ROBO1: variants seen among roughly 807,000 people sequenced by gnomAD.
ROBO1 encodes the protein roundabout guidance receptor 1, also known as roundabout homolog 1.
Under a neutral mutation model 195.9 loss-of-function variants are expected in ROBO1, and 149 were observed. The ratio of observed to expected loss-of-function variants is 0.76; its 90% confidence interval spans 0.67 to 0.87. The LOEUF (loss-of-function observed/expected upper bound fraction) is 0.87, where lower values mean the gene tolerates loss of function less well. Among genes scored for constraint, ROBO1 ranks in the 40% least tolerant of loss-of-function variants. The pLI is 0.00. For synonymous variants in ROBO1, 816 were observed against 733.2 expected, an observed-to-expected ratio of 1.11 and a Z score of -1.82; for missense variants, 1,933 against 2,068.3, an observed-to-expected ratio of 0.93 and a Z score of 1.27.
chr3:78,986,336 T>A (rs955112492), intron 3 of ROBO1, among the ~76,000 whole-genome samples: 1 of 152,042 alleles, frequency 6.6e-6, no homozygotes, highest in Non-Finnish European at 1.5e-5. Flanking sequence ...ACTATCAGCA[T>A]AGGTTATAAT....
chr3:79,685,242 G>A (rs1226059269), intron 1 of ROBO1, among the ~76,000 whole-genome samples: 1 of 152,160 alleles, frequency 6.6e-6, no homozygotes, highest in Non-Finnish European at 1.5e-5. Context: ...GGGCCTCTGT[G>A]TGCATGTTGG....
rs553504471 is a variant in ROBO1, at chr3:79,082,691, C to T, written c.172+42765G>A. On this transcript the variant is annotated intron_variant, in intron 3 of 30. Transcript: ENST00000464233. ...CAGTTAGTTGTCTCTATGCCTGCCCCACCCAGTGTCTTACTATGTTACCCT... is the reference window on the plus strand; with the variant it reads ...CAGTTAGTTGTCTCTATGCCTGCCCTACCCAGTGTCTTACTATGTTACCCT... 6.6e-5 allele frequency among the ~76,000 whole-genome samples: 10 copies of T among 152,228 alleles called. No homozygotes were observed. The South Asian group carries it at 2.1e-3, about 32-fold the overall frequency.
At chr3:79,331,959 G>A (rs1280939327) in intron 2 of ROBO1, among the ~76,000 whole-genome samples, 4 of 151,972 alleles carry the variant, frequency 2.6e-5, no homozygotes, top group Non-Finnish European at 4.4e-5. Context: ...TGGCTAACAC[G>A]GTGAAACCCC....
At chr3:79,543,906 TC>T (rs1389320302) in intron 2 of ROBO1, among the ~76,000 whole-genome samples, 1 of 152,132 alleles carries the variant, frequency 6.6e-6, no homozygotes, top group Non-Finnish European at 1.5e-5. Context: ...TCTGTACATT[TC>T]TTGTGTTTCC....
In ROBO1 at chr3:79,020,365, A is replaced by G. The variant is rs556152718; in HGVS notation, c.173-81438T>C. Among the ~76,000 whole-genome samples the G allele has an allele frequency of 8.0e-4, 122 of 152,342 alleles. 1 individual carries two copies. The highest frequency in any genetic ancestry group is 2.8e-3 in the African/African-American group (116 of 41,580). ...TGACACGTCTGAAAGGCATTCATTC[A>G]TTGAGTCAGTCATTTTTCTTTCTTT... On this transcript the variant is annotated intron_variant, in intron 3 of 30. Transcript: ENST00000464233.
intron 1 of ROBO1, among the ~76,000 whole-genome samples, chr3:79,754,158 T>C (rs1480088339): frequency 6.6e-6 from 1 of 152,120 alleles, no homozygotes; most frequent in Non-Finnish European, 1.5e-5. Flanking sequence ...TGGAAATACA[T>C]GAAGGAGGAA....
At chr3:78,965,816 T>G (rs1330191932) in intron 3 of ROBO1, among the ~76,000 whole-genome samples, 2 of 152,208 alleles carry the variant, frequency 1.3e-5, no homozygotes, top group African/African-American at 4.8e-5. Context: ...AATCCAGCAT[T>G]GTCAAATATA....
intron 2 of ROBO1, among the ~76,000 whole-genome samples, chr3:79,327,840 A>C (rs2034275230): frequency 6.6e-6 from 1 of 152,170 alleles, no homozygotes; most frequent in South Asian, 2.1e-4. Flanking sequence ...GCTTCTTTTC[A>C]ATGCTTGTCA....
chr3:79,646,787 T>C (rs1023998267), intron 1 of ROBO1, among the ~76,000 whole-genome samples: 2 of 152,132 alleles, frequency 1.3e-5, no homozygotes, highest in Non-Finnish European at 2.9e-5. Flanking sequence ...GGTTACTATG[T>C]TAAGTGAAAT....
intron 8 of ROBO1, chr3:78,693,186 T>C (rs1355418857): frequency 2.3e-6 from 2 of 887,290 alleles, no homozygotes; most frequent in South Asian, 2.0e-5. Flanking sequence ...CCATACTTCC[T>C]GCAGACTTTA....
chr3:78,813,292 G>C (rs1357278428), intron 4 of ROBO1, among the ~76,000 whole-genome samples: 3 of 151,780 alleles, frequency 2.0e-5, no homozygotes, highest in Non-Finnish European at 4.4e-5. Context: ...AATACAGAAA[G>C]TTGTCAAAGT....
chr3:79,148,624 G>A (rs1576738523), intron 2 of ROBO1, among the ~76,000 whole-genome samples: 2 of 151,786 alleles, frequency 1.3e-5, no homozygotes, highest in Non-Finnish European at 2.9e-5. Flanking sequence ...GAACATTCAC[G>A]TAAGGTCTAA....
At chr3:79,248,879 G>A (rs1305953192) in intron 2 of ROBO1, among the ~76,000 whole-genome samples, 1 of 152,116 alleles carries the variant, frequency 6.6e-6, no homozygotes, top group Non-Finnish European at 1.5e-5. Flanking sequence ...ATAGTATTCT[G>A]TTCCATTCAC....
At chr3:79,400,648 C>T (rs776032392) in intron 2 of ROBO1, among the ~76,000 whole-genome samples, 5 of 151,950 alleles carry the variant, frequency 3.3e-5, no homozygotes, top group Admixed American at 6.6e-5. Flanking sequence ...TACAGCAAGA[C>T]TTTCATATTG....
At chr3:78,916,372 T>G (rs1264462834) in intron 4 of ROBO1, among the ~76,000 whole-genome samples, 5 of 151,206 alleles carry the variant, frequency 3.3e-5, no homozygotes, top group Non-Finnish European at 7.4e-5. Context: ...GCCAACGTGG[T>G]GAAACCCCAT....
At chr3:79,743,550 A>T (rs1351021565) in intron 1 of ROBO1, among the ~76,000 whole-genome samples, 1 of 152,112 alleles carries the variant, frequency 6.6e-6, no homozygotes, top group Non-Finnish European at 1.5e-5. Flanking sequence ...TATTTTACAA[A>T]ATTCTTTCTT....
intron 5 of ROBO1, among the ~76,000 whole-genome samples, chr3:78,728,240 T>C (rs2082209041): frequency 6.6e-6 from 1 of 152,152 alleles, no homozygotes; most frequent in East Asian, 1.9e-4. Flanking sequence ...GAGAAATGCA[T>C]TATTTTAATT....
intron 2 of ROBO1, among the ~76,000 whole-genome samples, chr3:79,129,175 T>G (rs537272526): frequency 2.0e-5 from 3 of 152,322 alleles, no homozygotes; most frequent in South Asian, 4.1e-4. Flanking sequence ...TCAACCTACT[T>G]CTTTCCTATA....
chr3:79,237,488 A>T (rs970809623), intron 2 of ROBO1, among the ~76,000 whole-genome samples: 11 of 152,050 alleles, frequency 7.2e-5, no homozygotes, highest in Middle Eastern at 3.4e-3. Flanking sequence ...CTCAAAAAAA[A>T]AAAAATAATA....
Sources: gnomAD v4.1 joint callset for allele counts (sites outside exome capture counted in the v4.1 genomes callset) on GRCh38, gnomAD v4.1.1 for gene constraint, MANE v1.5 for transcripts, NCBI Gene and HGNC (gene_info 2026-07-23, HGNC 2026-07-21) for gene names.